The following SNX29 variants were observed in gnomAD, a reference collection of about 807,000 sequenced individuals.
SNX29 encodes the protein sorting nexin-29.
SNX29 carries 78 observed loss-of-function variants against 102.1 expected under a neutral mutation model. The ratio of observed to expected loss-of-function variants is 0.76; its 90% CI spans 0.64 to 0.92. SNX29 has a LOEUF of 0.92. Ranked by LOEUF, SNX29 falls within the 40% of genes least tolerant of loss-of-function variation. The pLI, the probability that SNX29 is intolerant of heterozygous loss-of-function variation, is 0.00. For synonymous variants in SNX29, 580 were observed against 414.5 expected, an observed-to-expected ratio of 1.40 and a Z score of -4.85; for missense variants, 1,280 against 1,061.7, an observed-to-expected ratio of 1.21 and a Z score of -2.86.
At chr16:12,556,764 G>A (rs971804711) in intron 20 of SNX29, among the ~76,000 whole-genome samples, 1 of 152,176 alleles carries the variant, frequency 6.6e-6, no homozygotes, top group Non-Finnish European at 1.5e-5. Flanking sequence ...CACCCCCAGA[G>A]TTCTGGTTTG....
chr16:12,265,793 G>C (rs1006240473), intron 14 of SNX29, among the ~76,000 whole-genome samples: 1 of 151,932 alleles, frequency 6.6e-6, no homozygotes, highest in Non-Finnish European at 1.5e-5. Context: ...GGGAGGCCGA[G>C]GTGGAGGATC....
At position 12,570,933 on chromosome 16, in the gene SNX29, T is replaced by C; in HGVS notation, c.*2304T>C. The C allele has an allele frequency of 4.3e-6, 1 of 231,970 alleles. No homozygotes were observed. Among genetic ancestry groups the C allele is most frequent in the Non-Finnish European group, 8.5e-6 (1 of 117,286 alleles). 14.4% of individuals were successfully genotyped at this position (231,970 alleles called of 1,614,324 possible). Reference sequence around the variant, plus strand: ...GCTCTCCAAAATGAGAGCATGTTCCTGGGAGCCACATGGGGACCATCCCCA... The same window carrying C: ...GCTCTCCAAAATGAGAGCATGTTCCCGGGAGCCACATGGGGACCATCCCCA... On this transcript the variant is annotated 3_prime_UTR_variant, in exon 21 of 21. Transcript: ENST00000566228.
At chr16:12,329,895 G>A (rs117880683) in intron 15 of SNX29, among the ~76,000 whole-genome samples, 2,754 of 152,228 alleles carry the variant, frequency 0.018, 61 homozygotes, top group Non-Finnish European at 0.03. Context: ...ACTAAGACGC[G>A]TTAACAGTTA....
intron 14 of SNX29, among the ~76,000 whole-genome samples, chr16:12,253,012 G>T (rs2078467447): frequency 6.6e-6 from 1 of 152,208 alleles, no homozygotes; most frequent in African/African-American, 2.4e-5. Context: ...GAAATTTCCA[G>T]ACCCAGATAG....
At chr16:12,074,763 C>T (rs2051468202) in intron 10 of SNX29, among the ~76,000 whole-genome samples, 1 of 152,156 alleles carries the variant, frequency 6.6e-6, no homozygotes, top group African/African-American at 2.4e-5. Flanking sequence ...AGAGTGTTTT[C>T]CAACTTGGTT....
intron 16 of SNX29, among the ~76,000 whole-genome samples, chr16:12,383,228 T>C (rs1001475540): frequency 1.3e-5 from 2 of 152,094 alleles, no homozygotes; most frequent in Non-Finnish European, 2.9e-5. Context: ...ACCTTCCTGT[T>C]AGGGTGGAAA....
chr16:12,477,938 G>A, intron 19 of SNX29, 79 bp downstream of exon 19: 1 of 1,449,944 alleles, frequency 6.9e-7, no homozygotes, highest in Non-Finnish European at 9.1e-7. Flanking sequence ...TTAGTCCGTT[G>A]CTTAAAAACA....
In SNX29 at chr16:12,217,254, G is replaced by T. The variant is rs971342713; in HGVS notation, c.1678+17571G>T. ...AGGCTGGTCTTGAACTCCTGGGCTT[G>T]AGCAGTCCTCCTGCCTTGGCCTCCC... On this transcript the variant is annotated intron_variant, in intron 14 of 20. Coordinates refer to ENST00000566228, the MANE Select transcript of SNX29 (RefSeq NM_032167.5). Among the ~76,000 whole-genome samples the T allele has an allele frequency of 2.6e-5, 4 of 152,176 alleles. No homozygotes were observed. In the East Asian group the frequency reaches 7.7e-4, roughly 29 times the overall value.
chr16:12,088,824 G>C (rs879707601), intron 11 of SNX29, among the ~76,000 whole-genome samples: 3 of 152,146 alleles, frequency 2.0e-5, no homozygotes, highest in Non-Finnish European at 4.4e-5. Context: ...AGTGGCCCAT[G>C]CCTATAATCC....
intron 20 of SNX29, among the ~76,000 whole-genome samples, chr16:12,541,300 A>T (rs1269396857): frequency 6.6e-6 from 1 of 152,168 alleles, no homozygotes; most frequent in East Asian, 1.9e-4. Context: ...AACAGTGGGG[A>T]TGGTCAGCCC....
rs2052252346 is a variant in SNX29, at chr16:12,087,326, C to CGCTTGGAGGCAGGA, written c.1402+8412_1402+8413insCTTGGAGGCAGGAG. The stretch of plus-strand genomic sequence containing the variant: ...GGCAGGAGAATCGCTTGGAGGCAGG[C>CGCTTGGAGGCAGGA]GAATCGCTTGAACCCAGGAGGCGGA... On this transcript the variant is annotated intron_variant, in intron 11 of 20. Transcript: ENST00000566228. The CGCTTGGAGGCAGGA allele has an allele frequency of 3.1e-5, 4 of 128,344 alleles. No individual in the cohort carries two copies. The South Asian group carries it at 6.9e-4, about 22-fold the overall frequency. 8.0% of individuals were successfully genotyped at this position (128,344 alleles called of 1,614,324 possible). A position where few individuals can be genotyped will look rare whatever the true frequency, so the allele number is the denominator to read the frequency against.
intron 18 of SNX29, among the ~76,000 whole-genome samples, chr16:12,467,340 C>G (rs1312983147): frequency 6.6e-6 from 1 of 152,200 alleles, no homozygotes; most frequent in South Asian, 2.1e-4. Context: ...AAATGGCTAT[C>G]GCTCACTAGG....
At chr16:12,338,756 G>A (rs1391193073) in intron 15 of SNX29, among the ~76,000 whole-genome samples, 2 of 152,180 alleles carry the variant, frequency 1.3e-5, no homozygotes, top group African/African-American at 4.8e-5. Context: ...GAGACTCTAT[G>A]GAATCTCTCC....
In SNX29 at chr16:12,569,677, A is replaced by C. The variant is rs576822005; in HGVS notation, c.*1048A>C. On this transcript the variant is annotated 3_prime_UTR_variant, in exon 21 of 21. Transcript: ENST00000566228. The stretch of plus-strand genomic sequence containing the variant: ...TCCTCCCATGTCAGGTGGCTCTCAG[A>C]GTACAGGGACCTTGGCAGGTGGAGA... 4 of 230,058 alleles carry C rather than the reference A, an allele frequency of 1.7e-5. No individual in the cohort carries two copies. The highest frequency in any genetic ancestry group is 1.2e-4 in the East Asian group (2 of 16,230). The allele number at this position is 230,058 out of a possible 1,614,324, so 14.3% of individuals were successfully genotyped here.
chr16:12,109,231 C>G (rs115869822), intron 11 of SNX29, among the ~76,000 whole-genome samples: 2,412 of 150,406 alleles, frequency 0.016, 75 homozygotes, highest in African/African-American at 0.056. Flanking sequence ...TGAGGACCTT[C>G]TTGCTGGTGG....
At chr16:12,019,595 G>T (rs139422893) in intron 3 of SNX29, among the ~76,000 whole-genome samples, 9,059 of 141,956 alleles carry the variant, frequency 0.064, 371 homozygotes, top group South Asian at 0.14. Context: ...TATATATATA[G>T]ATAGATAGAT....
intron 14 of SNX29, among the ~76,000 whole-genome samples, chr16:12,269,816 ACAT>A (rs745357217): frequency 5.0e-4 from 74 of 147,064 alleles, no homozygotes; most frequent in Admixed American, 3.3e-3. Context: ...ATTTTACTTT[ACAT>A]CATCATCATC....
chr16:12,563,836 G>A (rs549058678), intron 20 of SNX29, among the ~76,000 whole-genome samples: 1 of 152,194 alleles, frequency 6.6e-6, no homozygotes. Context: ...CAGGCTGCCT[G>A]TAAATATCCC....
chr16:12,464,807 A>G (rs79214110), intron 18 of SNX29, among the ~76,000 whole-genome samples: 3,171 of 152,200 alleles, frequency 0.021, 62 homozygotes, highest in East Asian at 0.053. Flanking sequence ...TCTGTATGGT[A>G]GTGCTATTTT....
Sources: gnomAD v4.1 joint callset for allele counts (sites outside exome capture counted in the v4.1 genomes callset) on GRCh38, gnomAD v4.1.1 for gene constraint, MANE v1.5 for transcripts, NCBI Gene and HGNC (gene_info 2026-07-23, HGNC 2026-07-21) for gene names.